The following TMEFF1 variants were observed in gnomAD, a reference collection of about 807,000 sequenced individuals.
TMEFF1 encodes tomoregulin-1.
Under a neutral mutation model 47.5 loss-of-function variants are expected in TMEFF1, and 20 were observed. The ratio of observed to expected loss-of-function variants is 0.42; its 90% CI spans 0.30 to 0.61. The LOEUF (loss-of-function observed/expected upper bound fraction) is 0.61, where lower values mean the gene tolerates loss of function less well. Ranked by LOEUF, TMEFF1 falls within the 20% of genes least tolerant of loss-of-function variation. TMEFF1 has a pLI of 0.19. For missense variants in TMEFF1, 411 were observed against 471.1 expected (o/e 0.87, Z 1.18); for synonymous variants, 162 against 166.3 (o/e 0.97, Z 0.20).
chr9:100,562,966 C>T (rs752844708), intron 8 of TMEFF1, among the ~76,000 whole-genome samples: 42 of 152,154 alleles, frequency 2.8e-4, no homozygotes, highest in Non-Finnish European at 4.6e-4. Context: ...TACAGGCATA[C>T]GCCACCATGC....
chr9:100,482,978 AT>A (rs1047358176), intron 1 of TMEFF1, among the ~76,000 whole-genome samples: 34 of 149,630 alleles, frequency 2.3e-4, no homozygotes, highest in South Asian at 8.5e-4. Context: ...TTTTATGTCT[AT>A]TTTTTTTTCT....
At chr9:100,567,160 C>G (rs908518815) in intron 8 of TMEFF1, among the ~76,000 whole-genome samples, 10 of 152,286 alleles carry the variant, frequency 6.6e-5, no homozygotes, top group African/African-American at 2.2e-4. Flanking sequence ...TCCCTCACCC[C>G]CTCTTCTGCA....
chr9:100,517,095 T>G (rs1418117035), intron 5 of TMEFF1, among the ~76,000 whole-genome samples: 1 of 152,194 alleles, frequency 6.6e-6, no homozygotes, highest in African/African-American at 2.4e-5. Flanking sequence ...TTAAGGTAGG[T>G]TTTGTAGCTG....
chr9:100,481,680 G>C (rs888343381), intron 1 of TMEFF1, among the ~76,000 whole-genome samples: 8 of 152,224 alleles, frequency 5.3e-5, no homozygotes, highest in Non-Finnish European at 1.2e-4. Context: ...GAAGGGAAGA[G>C]CCTGGCGGTA....
chr9:100,571,861 A>G (rs187449597), intron 8 of TMEFF1, among the ~76,000 whole-genome samples: 1 of 152,310 alleles, frequency 6.6e-6, no homozygotes, highest in East Asian at 1.9e-4. Flanking sequence ...CATTAGATTC[A>G]CATAAGGAGC....
chr9:100,490,924 C>T (rs1341328618), intron 1 of TMEFF1, among the ~76,000 whole-genome samples: 2 of 147,140 alleles, frequency 1.4e-5, no homozygotes, highest in African/African-American at 2.5e-5. Context: ...CTATATTGTC[C>T]CGGCTGATCT....
At chr9:100,487,471 TTC>T (rs1261786471) in intron 1 of TMEFF1, among the ~76,000 whole-genome samples, 3 of 152,150 alleles carry the variant, frequency 2.0e-5, no homozygotes, top group African/African-American at 7.2e-5. Context: ...CCCAGCCTCC[TTC>T]TCTCTCTAAA....
chr9:100,565,141 A>G lies in TMEFF1; in HGVS notation c.899+3621A>G, dbSNP rs72735171. Among the ~76,000 whole-genome samples, 360 of 152,186 alleles carry G rather than the reference A, an allele frequency of 2.4e-3. 2 individuals are homozygous for G. Among genetic ancestry groups the G allele is most frequent in the Non-Finnish European group, 4.0e-3 (274 of 68,002 alleles). ...CTGCTGGATATATTTTAGTTTTGGAACTGATGAGAGAGATGTGATTGAAGA... is the reference window on the plus strand; with the variant it reads ...CTGCTGGATATATTTTAGTTTTGGAGCTGATGAGAGAGATGTGATTGAAGA... On this transcript the variant is annotated intron_variant, in intron 8 of 9. Transcript: ENST00000374879.
intron 2 of TMEFF1, among the ~76,000 whole-genome samples, chr9:100,504,975 G>T (rs1025986497): frequency 5.9e-5 from 9 of 152,176 alleles, no homozygotes; most frequent in Admixed American, 5.2e-4. Context: ...TGAATTTAAT[G>T]CATGATTGCA....
At chr9:100,508,159 G>T (rs1837895055) in intron 2 of TMEFF1, among the ~76,000 whole-genome samples, 1 of 152,008 alleles carries the variant, frequency 6.6e-6, no homozygotes, top group African/African-American at 2.4e-5. Flanking sequence ...TCTGTCTTTG[G>T]TCCCGTTTTT....
rs1462940374 is a variant in TMEFF1, at chr9:100,498,820, T to C, written c.252T>C (p.Tyr84=). 2.5e-6 allele frequency: 4 copies of C among 1,614,034 alleles called. No homozygotes were observed. Among genetic ancestry groups the C allele is most frequent in the African/African-American group, 1.3e-5 (1 of 75,040 alleles). Residue 84 remains tyrosine, a synonymous_variant, in exon 2 of 10, where the codon TAT becomes TAC. Coordinates refer to ENST00000374879, the MANE Select transcript of TMEFF1 (RefSeq NM_003692.5). The stretch of plus-strand genomic sequence containing the variant: ...TTTGTGATGAGTCATCATGTAAATA[T>C]GGAGGAGTCTGTAAAGAAGATGGAG... ...VRVCDESSCK[Y]GGVCKEDGDG... is the part of the protein sequence containing the mutation.
At position 100,529,729 on chromosome 9, in the gene TMEFF1, T is replaced by A. The variant is rs1195048167; in HGVS notation, c.560+12958T>A. On this transcript the variant is annotated intron_variant, in intron 5 of 9. Transcript: ENST00000374879. ...GATACCCAGGAATTGAACTCAGCTC[T>A]GCACCAAGCGGACCTAATAGACATC... Among the ~76,000 whole-genome samples, 3 of 152,242 alleles carry A rather than the reference T, an allele frequency of 2.0e-5. No individual in the cohort carries two copies. In the East Asian group the frequency reaches 5.8e-4, roughly 29 times the overall value.
chr9:100,572,072 GACCAATA>G (rs1839249253), intron 8 of TMEFF1, among the ~76,000 whole-genome samples: 1 of 152,006 alleles, frequency 6.6e-6, no homozygotes, highest in African/African-American at 2.4e-5. Flanking sequence ...ACAGGCCATG[GACCAATA>G]TCTGTCCATG....
At chr9:100,474,127 A>T (rs896411410) in intron 1 of TMEFF1, among the ~76,000 whole-genome samples, 1 of 119,406 alleles carries the variant, frequency 8.4e-6, no homozygotes, top group Non-Finnish European at 1.7e-5. Flanking sequence ...CCAGGCAGGG[A>T]TCTGTGTGTG....
rs372739466 is a variant in TMEFF1, at chr9:100,510,877, C to A, written c.436+1743C>A. Among the ~76,000 whole-genome samples, 26 of 152,196 alleles carry A rather than the reference C, an allele frequency of 1.7e-4. No individual in the cohort carries two copies. In the South Asian group the frequency reaches 5.2e-3, roughly 30 times the overall value. On this transcript the variant is annotated intron_variant, in intron 3 of 9. Coordinates refer to ENST00000374879, the MANE Select transcript of TMEFF1 (RefSeq NM_003692.5). ...TCCACTAATACTGTGACCTGTAACC[C>A]CTACTCTACTCTTCATGATTGGTCT...
At chr9:100,563,030 A>T (rs977074275) in intron 8 of TMEFF1, among the ~76,000 whole-genome samples, 1 of 152,032 alleles carries the variant, frequency 6.6e-6, no homozygotes, top group Non-Finnish European at 1.5e-5. Flanking sequence ...GTTGGCCAGG[A>T]TGGTCTTGAT....
In TMEFF1 at chr9:100,576,657, T is replaced by G; in HGVS notation, c.*57T>G. ...TGATGTACATTTATTATGTCTTTTT[T>G]TAAAGAATGGAAATATTTATTTCAG... is the stretch of plus-strand genomic sequence containing the variant. On this transcript the variant is annotated 3_prime_UTR_variant, in exon 10 of 10. Transcript: ENST00000374879. 1 of 1,548,040 alleles carries G rather than the reference T, an allele frequency of 6.5e-7. No individual in the cohort carries two copies. The highest frequency in any genetic ancestry group is 8.7e-7 in the Non-Finnish European group (1 of 1,148,936).
At chr9:100,479,862 C>T (rs1667694012) in intron 1 of TMEFF1, among the ~76,000 whole-genome samples, 1 of 152,142 alleles carries the variant, frequency 6.6e-6, no homozygotes, top group South Asian at 2.1e-4. Context: ...CACATGTTTT[C>T]AGTTCTGTTG....
At chr9:100,478,415 G>T (rs1837274258) in intron 1 of TMEFF1, among the ~76,000 whole-genome samples, 2 of 152,102 alleles carry the variant, frequency 1.3e-5, no homozygotes, top group Admixed American at 6.5e-5. Flanking sequence ...CAGCTTCTTG[G>T]GCTCAGGTGA....
Sources: gnomAD v4.1 joint callset for allele counts (sites outside exome capture counted in the v4.1 genomes callset) on GRCh38, gnomAD v4.1.1 for gene constraint, MANE v1.5 for transcripts, NCBI Gene and HGNC (gene_info 2026-07-23, HGNC 2026-07-21) for gene names.